XPNPEP1: variants seen among roughly 807,000 people sequenced by gnomAD.
XPNPEP1 encodes xaa-Pro aminopeptidase 1.
XPNPEP1 carries 39 observed loss-of-function variants against 92.4 expected under a neutral mutation model. The observed-to-expected ratio is 0.42, with a 90% CI of 0.33 to 0.55. XPNPEP1 has a LOEUF of 0.55. Ranked by LOEUF, XPNPEP1 falls within the 20% of genes least tolerant of loss-of-function variation. XPNPEP1 has a pLI of 0.08. For synonymous variants in XPNPEP1, 307 were observed against 299.4 expected (o/e 1.03, Z -0.26); for missense variants, 654 against 856.1 (o/e 0.76, Z 2.95).
chr10:109,896,219 C>T (rs1021490252), intron 3 of XPNPEP1, among the ~76,000 whole-genome samples: 13 of 152,120 alleles, frequency 8.5e-5, no homozygotes, highest in South Asian at 2.1e-4. Context: ...GCTATAATAG[C>T]CACCTGGCCA....
chr10:109,878,769 G>A (rs777517520), intron 12 of XPNPEP1, among the ~76,000 whole-genome samples: 1 of 151,920 alleles, frequency 6.6e-6, no homozygotes, highest in Non-Finnish European at 1.5e-5. Flanking sequence ...CCAACTAATC[G>A]GGAGGCTGAG....
chr10:109,869,503 A>T (rs1847325257), intron 19 of XPNPEP1, among the ~76,000 whole-genome samples: 2 of 152,156 alleles, frequency 1.3e-5, no homozygotes, highest in African/African-American at 4.8e-5. Context: ...GGGGAGTGTG[A>T]CAAAATTACA....
chr10:109,884,993 C>T (rs1198363331), intron 8 of XPNPEP1, among the ~76,000 whole-genome samples: 1 of 152,136 alleles, frequency 6.6e-6, no homozygotes, highest in East Asian at 1.9e-4. Context: ...ATGACAGTAC[C>T]TGGTGTTCAG....
Position 109,882,499 on chromosome 10 carries a change from A to T in XPNPEP1, c.974T>A (p.Leu325His). 6.2e-7 allele frequency: 1 copy of T among 1,614,146 alleles called. No homozygotes were observed. The highest frequency in any genetic ancestry group is 8.5e-7 in the Non-Finnish European group (1 of 1,180,010). ...GACCCACACCTTCTCCCTTGGGGAG[A>T]GGTCAGCACACAGGGCCTTGAGCTC... is the stretch of plus-strand genomic sequence containing the variant. ...LSELKALCAD[L>H]SPREKVWVSD... The change falls in exon 10 of 21, where the codon CTC becomes CAC. Residue 325 changes from leucine (L) to histidine (H), a missense_variant. Coordinates refer to ENST00000502935, the MANE Select transcript of XPNPEP1 (RefSeq NM_020383.4).
chr10:109,898,810 G>A (rs1185873032), intron 3 of XPNPEP1, among the ~76,000 whole-genome samples: 1 of 152,246 alleles, frequency 6.6e-6, no homozygotes, highest in East Asian at 1.9e-4. Context: ...CCAGAGCTGG[G>A]TTTTAAGAAG....
chr10:109,882,658 A>G lies in XPNPEP1; in HGVS notation c.831-16T>C, dbSNP rs535485351. On this transcript the variant is annotated splice_polypyrimidine_tract_variant and intron_variant, in intron 9 of 20. Transcript: ENST00000502935. ...AATGAAGAGCCTGCAGATGGAGGAGAGGTGGGTGGCAGAAAAAGGAGGGAA... is the reference window on the plus strand; with the variant it reads ...AATGAAGAGCCTGCAGATGGAGGAGGGGTGGGTGGCAGAAAAAGGAGGGAA... 6.2e-7 allele frequency: 1 copy of G among 1,613,480 alleles called. No individual in the cohort carries two copies. Among genetic ancestry groups the G allele is most frequent in the South Asian group, 1.1e-5 (1 of 91,046 alleles).
chr10:109,880,999 C>A (rs1848063472), intron 10 of XPNPEP1, 68 bp from the exon 11 acceptor site: 8 of 1,463,470 alleles, frequency 5.5e-6, no homozygotes, highest in African/African-American at 4.2e-5. Context: ...AGGCAACAAC[C>A]TTTTTGCTCA....
At chr10:109,887,111 A>G (rs2133423425) in intron 7 of XPNPEP1, among the ~76,000 whole-genome samples, 1 of 152,344 alleles carries the variant, frequency 6.6e-6, no homozygotes, top group East Asian at 1.9e-4. Context: ...CACCTCGCAC[A>G]GCATCCTGCA....
chr10:109,887,566 G>C (rs1848460187), intron 7 of XPNPEP1, among the ~76,000 whole-genome samples: 1 of 152,086 alleles, frequency 6.6e-6, no homozygotes, highest in African/African-American at 2.4e-5. Context: ...CAATGGTTCA[G>C]AGAACATGCT....
At chr10:109,883,237 C>G (rs909550094) in intron 9 of XPNPEP1, among the ~76,000 whole-genome samples, 9 of 152,096 alleles carry the variant, frequency 5.9e-5, no homozygotes, top group Admixed American at 5.2e-4. Context: ...TTCAGGTCCT[C>G]CACATGCACT....
chr10:109,909,302 T>A (rs979421977), intron 2 of XPNPEP1, among the ~76,000 whole-genome samples: 3 of 151,384 alleles, frequency 2.0e-5, no homozygotes, highest in African/African-American at 7.3e-5. Context: ...ATGGCGGGAG[T>A]GGATGAGACC....
chr10:109,909,853 A>C (rs1237276434), intron 2 of XPNPEP1, among the ~76,000 whole-genome samples: 1 of 152,180 alleles, frequency 6.6e-6, no homozygotes, highest in Non-Finnish European at 1.5e-5. Flanking sequence ...CAGAGTTCCC[A>C]TGTAGCTCCA....
Position 109,888,211 on chromosome 10 carries a change from G to A in XPNPEP1, c.509-19C>T, listed in dbSNP as rs919960932. 1 of 1,606,272 alleles carries A rather than the reference G, an allele frequency of 6.2e-7. No individual in the cohort carries two copies. Among genetic ancestry groups the A allele is most frequent in the Non-Finnish European group, 8.5e-7 (1 of 1,179,394 alleles). On this transcript the variant is annotated intron_variant, in intron 6 of 20. Coordinates refer to ENST00000502935, the MANE Select transcript of XPNPEP1 (RefSeq NM_020383.4). ...CAATAATCTGAGGAGACACATTGTG[G>A]CCCAGCCATGAGCCGAACGCCCATT...
chr10:109,919,411 A>G (rs1176700921), intron 1 of XPNPEP1, among the ~76,000 whole-genome samples: 1 of 152,210 alleles, frequency 6.6e-6, no homozygotes, highest in Non-Finnish European at 1.5e-5. Context: ...GGAAACACAA[A>G]TCGAAACCAC....
In XPNPEP1 at chr10:109,879,263, A is replaced by C. The variant is rs905773201; in HGVS notation, c.1182+925T>G. On this transcript the variant is annotated intron_variant, in intron 12 of 20. Coordinates refer to ENST00000502935, the MANE Select transcript of XPNPEP1 (RefSeq NM_020383.4). ...TCTCAAAAATAAAAAAAAATAATAAAAATGTAATAATAATAATTTACATAA... is the reference window on the plus strand; with the variant it reads ...TCTCAAAAATAAAAAAAAATAATAACAATGTAATAATAATAATTTACATAA... 4.8e-5 allele frequency among the ~76,000 whole-genome samples: 7 copies of C among 146,134 alleles called. No homozygotes were observed. In the South Asian group the frequency reaches 1.5e-3, roughly 31 times the overall value.
chr10:109,899,908 G>T (rs2045600603), intron 3 of XPNPEP1, among the ~76,000 whole-genome samples: 1 of 152,244 alleles, frequency 6.6e-6, no homozygotes, highest in Non-Finnish European at 1.5e-5. Context: ...GAGGCAAGTG[G>T]TGCCCACGAA....
chr10:109,898,691 C>T (rs573824286), intron 3 of XPNPEP1, among the ~76,000 whole-genome samples: 3 of 152,330 alleles, frequency 2.0e-5, no homozygotes, highest in African/African-American at 4.8e-5. Context: ...CTGTAAAGGC[C>T]GTCTGAAGAC....
In XPNPEP1 at chr10:109,908,199, G is replaced by A. The variant is rs370912760; in HGVS notation, c.122-384C>T. Among the ~76,000 whole-genome samples the A allele has an allele frequency of 2.4e-4, 36 of 152,252 alleles. No homozygotes were observed. In the East Asian group the frequency reaches 2.5e-3, roughly 11 times the overall value. Reference sequence around the variant, plus strand: ...TGGTCAGTTAAATAAACTATAATACGTACAACAGTATACTGTGTACTCATT... The same window carrying A: ...TGGTCAGTTAAATAAACTATAATACATACAACAGTATACTGTGTACTCATT... On this transcript the variant is annotated intron_variant, in intron 2 of 20. Transcript: ENST00000502935.
In XPNPEP1 at chr10:109,877,863, G is replaced by A. The variant is rs1390011551; in HGVS notation, c.1246C>T (p.Gln416Ter). The A allele has an allele frequency of 1.2e-6, 2 of 1,614,250 alleles. No individual in the cohort carries two copies. The highest frequency in any genetic ancestry group is 1.7e-6 in the Non-Finnish European group (2 of 1,180,052). The change falls in exon 14 of 21, where the codon CAG (glutamine) becomes TAG (stop). Residue 416 changes from glutamine to a stop codon, truncating the protein, a stop_gained. Transcript: ENST00000502935. LOFTEE classifies it high-confidence loss of function. ...ADKAEEFRRQ[Q>*]ADFVDLSFPT... ...AAGCTCAGGTCCACAAAGTCTGCCTGTTGCCTGTAACAGAAAGACAGAAAG... is the reference window on the plus strand; with the variant it reads ...AAGCTCAGGTCCACAAAGTCTGCCTATTGCCTGTAACAGAAAGACAGAAAG...
Sources: allele counts gnomAD v4.1 joint callset (sites outside exome capture counted in the v4.1 genomes callset), GRCh38; gene constraint gnomAD v4.1.1; transcripts MANE v1.5; gene names NCBI Gene and HGNC (gene_info 2026-07-23, HGNC 2026-07-21).